The following GRTP1 variants were observed in gnomAD, a reference collection of about 807,000 sequenced individuals.
The protein encoded by GRTP1 is growth hormone regulated TBC protein 1.
GRTP1 carries 56 observed loss-of-function variants against 38.1 expected under a neutral mutation model. The observed-to-expected ratio is 1.47, with a 90% confidence interval of 1.19 to 1.84. The LOEUF (loss-of-function observed/expected upper bound fraction) is 1.84. Among genes scored for constraint, GRTP1 ranks in the 40% most tolerant of loss-of-function variants. The probability of loss-of-function intolerance (pLI) is 0.00; values close to 1 mark genes in which losing one functional copy is unlikely to be tolerated. For missense variants in GRTP1, 506 were observed against 453.9 expected (o/e 1.11, Z -1.04); for synonymous variants, 217 against 189.5 (o/e 1.14, Z -1.19).
intron 5 of GRTP1, among the ~76,000 whole-genome samples, chr13:113,339,183 G>A (rs2042995112): frequency 6.6e-6 from 1 of 152,002 alleles, no homozygotes; most frequent in East Asian, 1.9e-4. Flanking sequence ...CAAAGTGCTG[G>A]GACTACAGGC....
chr13:113,336,367 A>G (rs1173843271), intron 5 of GRTP1, among the ~76,000 whole-genome samples: 1 of 152,186 alleles, frequency 6.6e-6, no homozygotes, highest in Non-Finnish European at 1.5e-5. Flanking sequence ...AAACATGCAA[A>G]GGGTTCCTCA....
At chr13:113,356,924 T>C (rs1460975749) in intron 2 of GRTP1, among the ~76,000 whole-genome samples, 1 of 152,078 alleles carries the variant, frequency 6.6e-6, no homozygotes, top group Non-Finnish European at 1.5e-5. Flanking sequence ...CAGTAATTGC[T>C]CACTAAATAC....
At chr13:113,337,738 C>T (rs1251372744) in intron 5 of GRTP1, among the ~76,000 whole-genome samples, 2 of 152,252 alleles carry the variant, frequency 1.3e-5, no homozygotes, top group African/African-American at 4.8e-5. Context: ...AAAGCCAGCC[C>T]AACGGGGGCG....
chr13:113,351,315 C>T (rs1174178617), intron 3 of GRTP1, among the ~76,000 whole-genome samples: 3 of 152,202 alleles, frequency 2.0e-5, no homozygotes, highest in African/African-American at 7.2e-5. Context: ...TCGGACCTCG[C>T]GCGTAGCGGA....
At chr13:113,335,490 A>G (rs1175166790) in intron 5 of GRTP1, among the ~76,000 whole-genome samples, 1 of 152,124 alleles carries the variant, frequency 6.6e-6, no homozygotes, top group African/African-American at 2.4e-5. Context: ...TGTGTTGGGA[A>G]CATTCCAAAT....
At chr13:113,324,614 C>A (rs763755615) in intron 7 of GRTP1, 37 bp from the exon 8 acceptor site, 1 of 1,563,880 alleles carries the variant, frequency 6.4e-7, no homozygotes, top group African/African-American at 1.4e-5. Flanking sequence ...ACAAACCCAA[C>A]AACCCATTTC....
intron 2 of GRTP1, among the ~76,000 whole-genome samples, chr13:113,362,458 T>C (rs1482338886): frequency 6.6e-6 from 1 of 152,092 alleles, no homozygotes; most frequent in Non-Finnish European, 1.5e-5. Context: ...TATAGGATAT[T>C]AACTTCCATC....
intron 3 of GRTP1, 64 bp downstream of exon 3, chr13:113,355,257 CTG>C: frequency 6.4e-7 from 1 of 1,556,034 alleles, no homozygotes; most frequent in Non-Finnish European, 8.8e-7. Context: ...AGGCTAGACA[CTG>C]GGTGGAAACC....
rs2043059267 is a variant in GRTP1 at position 113,343,777 on chromosome 13, G to C, written c.562+1086C>G. Among the ~76,000 whole-genome samples, 1 of 152,176 alleles carries C rather than the reference G, an allele frequency of 6.6e-6. No individual in the cohort carries two copies. The highest frequency in any genetic ancestry group is 1.5e-5 in the Non-Finnish European group (1 of 68,034). On this transcript the variant is annotated intron_variant, in intron 5 of 7. Coordinates refer to ENST00000375431, the MANE Select transcript of GRTP1 (RefSeq NM_024719.4). The surrounding 1 kb of genome is among the most constrained non-coding windows in gnomAD (Gnocchi z 4.8). ...ACACACCCCCAGGCTCCAAACACTG[G>C]GGACTGGCCCGGCTGCCCCTCACGT... is the stretch of plus-strand genomic sequence containing the variant.
intron 5 of GRTP1, among the ~76,000 whole-genome samples, chr13:113,326,791 C>T (rs992854527): frequency 5.3e-5 from 8 of 152,176 alleles, no homozygotes; most frequent in African/African-American, 9.7e-5. Flanking sequence ...CCCACGTGTC[C>T]GTCGGCAGAC....
At chr13:113,353,835 G>A (rs145045209) in intron 3 of GRTP1, among the ~76,000 whole-genome samples, 327 of 152,306 alleles carry the variant, frequency 2.1e-3, no homozygotes, top group African/African-American at 6.6e-3. Flanking sequence ...TTTGGGAGGT[G>A]AAGGAGGGCG....
intron 2 of GRTP1, chr13:113,355,821 G>A: frequency 5.6e-6 from 1 of 178,852 alleles, no homozygotes; most frequent in Non-Finnish European, 1.2e-5. Context: ...GGGCAAAGCA[G>A]TGAGAGGCCC....
intron 7 of GRTP1, chr13:113,325,266 C>T: frequency 8.0e-7 from 1 of 1,256,748 alleles, no homozygotes; most frequent in Non-Finnish European, 1.0e-6. Context: ...CTCCTGGCGT[C>T]TTGGCTTCCT....
At chr13:113,351,970 T>C (rs912015) in intron 3 of GRTP1, 143,032 of 152,134 alleles carry the variant, frequency 0.94, 67,284 homozygotes, top group Middle Eastern at 0.98. Context: ...TGCAAAATAC[T>C]GTAAGTCTGT....
At position 113,350,867 on chromosome 13, in the gene GRTP1, C is replaced by CATA; in HGVS notation, c.446_447insTAT (p.Gln149delinsHisMet). On this transcript the variant is annotated protein_altering_variant, in exon 4 of 8. Coordinates refer to ENST00000375431, the MANE Select transcript of GRTP1 (RefSeq NM_024719.4). Reference sequence around the variant, plus strand: ...GGCTCACCTGGCAGTAGCCCACTCCCTGGTTATGGTGCCCATATGCCAGCA... The same window carrying CATA: ...GGCTCACCTGGCAGTAGCCCACTCCCATATGGTTATGGTGCCCATATGCCAGCA... The CATA allele has an allele frequency of 6.3e-7, 1 of 1,580,394 alleles. No homozygotes were observed. Among genetic ancestry groups the CATA allele is most frequent in the Non-Finnish European group, 8.7e-7 (1 of 1,155,470 alleles).
At chr13:113,334,280 A>ACTGCCTCCCCCCCCCCCCC (rs1202504022) in intron 5 of GRTP1, among the ~76,000 whole-genome samples, 40 of 142,414 alleles carry the variant, frequency 2.8e-4, no homozygotes, top group South Asian at 4.5e-4. Context: ...CACTGCCACG[A>ACTGCCTCCCCCCCCCCCCC]CAGCCTCCCG....
At chr13:113,331,980 T>G (rs2139410599) in intron 5 of GRTP1, among the ~76,000 whole-genome samples, 1 of 150,838 alleles carries the variant, frequency 6.6e-6, no homozygotes, top group Non-Finnish European at 1.5e-5. Context: ...TAAAAAAAGG[T>G]ATTTTGGGCC....
intron 5 of GRTP1, among the ~76,000 whole-genome samples, chr13:113,332,424 CCACA>C (rs376903764): frequency 6.8e-5 from 10 of 147,972 alleles, no homozygotes; most frequent in Non-Finnish European, 1.3e-4. Flanking sequence ...CACACGCACA[CCACA>C]CAGGCACACA....
chr13:113,350,964 C>T lies in GRTP1; in HGVS notation c.350G>A (p.Arg117Gln), dbSNP rs367651344. The stretch of plus-strand genomic sequence containing the variant: ...GAACTTCACGTTGTCGGGGAAGGTC[C>T]GGTTCAGGTCTGTGGGAAATTCAGA... ...LEDAIRTDLN[R>Q]TFPDNVKFRK... Residue 117 changes from arginine (R) to glutamine (Q), a missense_variant, in exon 4 of 8, where the codon CGG becomes CAG. Physicochemically the swap from Arg to Gln is conservative, Grantham distance 43. Transcript: ENST00000375431. 22 of 1,613,660 alleles carry T rather than the reference C, an allele frequency of 1.4e-5. No homozygotes were observed. Among genetic ancestry groups the T allele is most frequent in the South Asian group, 1.1e-4 (10 of 91,068 alleles).
Sources: gnomAD v4.1 joint callset for allele counts (sites outside exome capture counted in the v4.1 genomes callset) on GRCh38, gnomAD v4.1.1 for gene constraint, Gnocchi (gnomAD v3.1) non-coding constraint, MANE v1.5 for transcripts, NCBI Gene and HGNC (gene_info 2026-07-23, HGNC 2026-07-21) for gene names.